RNF150: variants seen among roughly 807,000 people sequenced by gnomAD.
RNF150 encodes the protein ring finger protein 150.
RNF150 carries 24 observed loss-of-function variants against 39.3 expected under a neutral mutation model. That is an observed-to-expected ratio of 0.61 (90% CI 0.44 to 0.86). The LOEUF is 0.86. Ranked by LOEUF, RNF150 falls within the 40% of genes least tolerant of loss-of-function variation. The pLI is 0.00. For missense variants in RNF150, 502 were observed against 587.8 expected (o/e 0.85, Z 1.51); for synonymous variants, 255 against 227.3 (o/e 1.12, Z -1.10).
At chr4:141,210,812 A>T (rs976809626) in intron 1 of RNF150, among the ~76,000 whole-genome samples, 4 of 151,630 alleles carry the variant, frequency 2.6e-5, no homozygotes, top group Non-Finnish European at 2.9e-5. Flanking sequence ...GCTAAAAAAA[A>T]CCTCCATTTG....
chr4:140,926,098 G>C, intron 4 of RNF150, 25 bp from the exon 5 acceptor site: 1 of 1,538,362 alleles, frequency 6.5e-7, no homozygotes, highest in African/African-American at 1.4e-5. Context: ...ATACATCTTA[G>C]AGCGGCGGTA....
chr4:140,917,348 T>G (rs1250520441), intron 5 of RNF150, among the ~76,000 whole-genome samples: 2 of 152,046 alleles, frequency 1.3e-5, no homozygotes, highest in Admixed American at 6.6e-5. Context: ...GAGGAAGATC[T>G]ACCAAGCAAA....
At chr4:140,948,795 A>G (rs545240012) in intron 3 of RNF150, among the ~76,000 whole-genome samples, 1 of 152,332 alleles carries the variant, frequency 6.6e-6, no homozygotes, top group East Asian at 1.9e-4. Flanking sequence ...TCCTGCATTT[A>G]TACTGTAGAC....
At chr4:141,118,381 C>T (rs1430996771) in intron 1 of RNF150, among the ~76,000 whole-genome samples, 1 of 152,174 alleles carries the variant, frequency 6.6e-6, no homozygotes, top group Non-Finnish European at 1.5e-5. Flanking sequence ...TAACTGCAAA[C>T]ACTGTACCCT....
chr4:141,159,932 T>C (rs1727482197), intron 1 of RNF150, among the ~76,000 whole-genome samples: 1 of 152,124 alleles, frequency 6.6e-6, no homozygotes, highest in South Asian at 2.1e-4. Context: ...TCAAACTCCC[T>C]ACTTTTGTCT....
chr4:141,154,422 G>T, intron 1 of RNF150, among the ~76,000 whole-genome samples: 1 of 152,170 alleles, frequency 6.6e-6, no homozygotes, highest in East Asian at 1.9e-4. Flanking sequence ...TTAAGTTAGA[G>T]GGGCTGTTAG....
At chr4:141,032,379 A>G (rs1052339167) in intron 1 of RNF150, among the ~76,000 whole-genome samples, 1 of 152,156 alleles carries the variant, frequency 6.6e-6, no homozygotes, top group African/African-American at 2.4e-5. Flanking sequence ...CATGGTGATT[A>G]TAGTTAATAC....
chr4:141,078,401 G>A (rs990154609), intron 1 of RNF150, among the ~76,000 whole-genome samples: 8 of 152,264 alleles, frequency 5.3e-5, no homozygotes, highest in Non-Finnish European at 1.0e-4. Context: ...TGTTTTGCAA[G>A]GGAAGGAAGA....
chr4:141,090,208 G>A (rs1226304820), intron 1 of RNF150, among the ~76,000 whole-genome samples: 4 of 152,126 alleles, frequency 2.6e-5, no homozygotes, highest in African/African-American at 7.2e-5. Flanking sequence ...TTGGGTCATC[G>A]AACATCACAA....
At chr4:141,028,063 T>C (rs1735790655) in intron 1 of RNF150, among the ~76,000 whole-genome samples, 1 of 151,348 alleles carries the variant, frequency 6.6e-6, no homozygotes. Flanking sequence ...CTGCTACTGA[T>C]GGAAATTCTG....
chr4:140,920,585 G>C lies in RNF150; in HGVS notation c.987+5392C>G, dbSNP rs1413755482. Among the ~76,000 whole-genome samples the C allele has an allele frequency of 7.4e-5, 9 of 121,700 alleles. 1 individual carries two copies. Among genetic ancestry groups the C allele is most frequent in the African/African-American group, 2.7e-4 (9 of 33,808 alleles). 79.8% of individuals were successfully genotyped at this position (121,700 alleles called of 152,430 possible). A position where few individuals can be genotyped will look rare whatever the true frequency, so the allele number is the denominator to read the frequency against. On this transcript the variant is annotated intron_variant, in intron 5 of 6. Transcript: ENST00000515673. ...GAAATAGGAACACTTTTACACTGTT[G>C]TTGGGACTATAAACTAGTTCAACCA...
At chr4:140,945,840 T>C (rs1320890169) in intron 4 of RNF150, among the ~76,000 whole-genome samples, 1 of 151,940 alleles carries the variant, frequency 6.6e-6, no homozygotes, top group African/African-American at 2.4e-5. Context: ...TTATTAGTAG[T>C]AATCGCATAG....
At chr4:141,117,476 AC>A (rs1309128940) in intron 1 of RNF150, among the ~76,000 whole-genome samples, 1 of 152,144 alleles carries the variant, frequency 6.6e-6, no homozygotes, top group Non-Finnish European at 1.5e-5. Context: ...ATAGGCTATA[AC>A]CTACATCCTA....
rs749317137 is a variant in RNF150, at chr4:141,027,912, G to GTTTTTTTTTTTTTT, written c.485-60040_485-60039insAAAAAAAAAAAAAA. ...TAGATAGTTAATGAGCTTGGAATTT[G>GTTTTTTTTTTTTTT]TTTTTTTTTTTTTGTTTTTTTTTTT... On this transcript the variant is annotated intron_variant, in intron 1 of 6. Transcript: ENST00000515673. 4.4e-4 allele frequency among the ~76,000 whole-genome samples: 12 copies of GTTTTTTTTTTTTTT among 27,100 alleles called. 3 individuals carry two copies. Among genetic ancestry groups the GTTTTTTTTTTTTTT allele is most frequent in the Non-Finnish European group, 6.0e-4 (7 of 11,592 alleles). 17.8% of individuals were successfully genotyped at this position (27,100 alleles called of 152,430 possible). A position where few individuals can be genotyped will look rare whatever the true frequency, so the allele number is the denominator to read the frequency against.
At chr4:141,103,773 G>A (rs1170409849) in intron 1 of RNF150, among the ~76,000 whole-genome samples, 1 of 152,134 alleles carries the variant, frequency 6.6e-6, no homozygotes, top group African/African-American at 2.4e-5. Flanking sequence ...AATGAGACAG[G>A]TGGAAATATA....
At chr4:141,206,172 C>T (rs1271985026) in intron 1 of RNF150, among the ~76,000 whole-genome samples, 2 of 151,974 alleles carry the variant, frequency 1.3e-5, no homozygotes, top group African/African-American at 4.8e-5. Flanking sequence ...ATAATCCTAG[C>T]ACTTTGGGAG....
chr4:141,212,092 C>T (rs1361919333), intron 1 of RNF150, among the ~76,000 whole-genome samples: 2 of 152,150 alleles, frequency 1.3e-5, no homozygotes, highest in African/African-American at 4.8e-5. Flanking sequence ...AAGACAATAT[C>T]TCACTGAATA....
intron 1 of RNF150, among the ~76,000 whole-genome samples, chr4:141,059,424 T>C (rs963556222): frequency 1.3e-5 from 2 of 152,212 alleles, no homozygotes; most frequent in African/African-American, 4.8e-5. Flanking sequence ...CTTGCCTATT[T>C]GCTTTCAACC....
At chr4:140,948,654 G>A (rs1303130603) in intron 3 of RNF150, among the ~76,000 whole-genome samples, 3 of 152,126 alleles carry the variant, frequency 2.0e-5, no homozygotes, top group African/African-American at 7.2e-5. Context: ...GCCCAGGCTG[G>A]TCTTGAACTC....
Sources: allele counts gnomAD v4.1 joint callset (sites outside exome capture counted in the v4.1 genomes callset), GRCh38; gene constraint gnomAD v4.1.1; transcripts MANE v1.5; gene names NCBI Gene and HGNC (gene_info 2026-07-23, HGNC 2026-07-21).